Variants in ZNF385D observed in about 807,000 individuals in gnomAD.
ZNF385D encodes the protein zinc finger protein 385D.
ZNF385D carries 15 observed loss-of-function variants against 35.8 expected under a neutral mutation model. The observed-to-expected ratio is 0.42, with a 90% confidence interval of 0.28 to 0.64. ZNF385D has a LOEUF of 0.64. Ranked by LOEUF, ZNF385D falls within the 30% of genes least tolerant of loss-of-function variation. ZNF385D has a pLI of 0.23. For synonymous variants in ZNF385D, 212 were observed against 186.8 expected, an observed-to-expected ratio of 1.13 and a Z score of -1.10; for missense variants, 474 against 494.6, an observed-to-expected ratio of 0.96 and a Z score of 0.39.
intron 2 of ZNF385D, among the ~76,000 whole-genome samples, chr3:22,199,375 C>A (rs528660335): frequency 6.6e-6 from 1 of 152,172 alleles, no homozygotes; most frequent in African/African-American, 2.4e-5. Flanking sequence ...GCGTCATTAA[C>A]AACACTGATT....
chr3:21,426,688 C>A (rs868859011), intron 5 of ZNF385D, among the ~76,000 whole-genome samples: 2 of 152,020 alleles, frequency 1.3e-5, no homozygotes, highest in African/African-American at 4.8e-5. Flanking sequence ...ATTGTACGTT[C>A]GGCAACCATT....
intron 3 of ZNF385D, among the ~76,000 whole-genome samples, chr3:21,806,184 CTTTCTT>C (rs987794301): frequency 2.0e-5 from 3 of 151,156 alleles, no homozygotes; most frequent in African/African-American, 7.3e-5. Context: ...TCCTTCTTTC[CTTTCTT>C]TTTTTTTTTA....
At position 21,564,627 on chromosome 3, in the gene ZNF385D, G is replaced by T. The variant is rs185552275; in HGVS notation, c.223C>A (p.Arg75=). The T allele has an allele frequency of 6.4e-7, 1 of 1,571,956 alleles. No individual in the cohort carries two copies. The highest frequency in any genetic ancestry group is 8.6e-7 in the Non-Finnish European group (1 of 1,158,176). ...NHTFGVPLPH[R]RKQIISCNIC... Reference sequence around the variant, plus strand: ...TTGCATGATATGATTTGCTTTCTTCGGTGGGGAAGAGGAACCCCGAATGTA... The same window carrying T: ...TTGCATGATATGATTTGCTTTCTTCTGTGGGGAAGAGGAACCCCGAATGTA... Residue 75 remains arginine, a synonymous_variant, in exon 3 of 8, where the codon CGA becomes AGA. Coordinates refer to ENST00000281523, the MANE Select transcript of ZNF385D (RefSeq NM_024697.3).
At position 22,350,578 on chromosome 3, in the gene ZNF385D, A is replaced by C. The variant is rs560272442; in HGVS notation, c.106+21872T>G. 3.3e-5 allele frequency among the ~76,000 whole-genome samples: 5 copies of C among 152,218 alleles called. No individual in the cohort carries two copies. In the South Asian group the frequency reaches 8.3e-4, roughly 25 times the overall value. ...AATTCAATTAATATTTGTTGAAGAC[A>C]CCTTATGTACAAAATATCACCTAGC... On this transcript the variant is annotated intron_variant, in intron 2 of 5. Coordinates refer to the ZNF385D transcript ENST00000494108.
intron 3 of ZNF385D, among the ~76,000 whole-genome samples, chr3:22,098,182 C>T (rs1005376130): frequency 3.3e-5 from 5 of 151,988 alleles, no homozygotes; most frequent in South Asian, 2.1e-4. Context: ...TAATCTATTA[C>T]GACCAATAAA....
At chr3:22,256,929 G>A (rs1246362250) in intron 2 of ZNF385D, among the ~76,000 whole-genome samples, 1 of 151,798 alleles carries the variant, frequency 6.6e-6, no homozygotes, top group Non-Finnish European at 1.5e-5. Context: ...AGTTCATAAA[G>A]ATAGAAAATT....
intron 4 of ZNF385D, among the ~76,000 whole-genome samples, chr3:21,483,514 C>A (rs115719743): frequency 0.012 from 1,787 of 152,212 alleles, 16 homozygotes; most frequent in Non-Finnish European, 0.02. Flanking sequence ...CAAGAAAATG[C>A]CAAATTCTTT....
At position 21,798,237 on chromosome 3, in the gene ZNF385D, T is replaced by A. The variant is rs778977629; in HGVS notation, c.326-133209A>T. Among the ~76,000 whole-genome samples the A allele has an allele frequency of 2.0e-5, 3 of 152,202 alleles. No individual in the cohort carries two copies. In the East Asian group the frequency reaches 5.8e-4, roughly 29 times the overall value. On this transcript the variant is annotated intron_variant, in intron 3 of 5. Transcript: ENST00000494108. ...AATAAAAATACACACAACTCTCTCATGACACAGGTTGTCTGGTTCTTCGGC... is the reference window on the plus strand; with the variant it reads ...AATAAAAATACACACAACTCTCTCAAGACACAGGTTGTCTGGTTCTTCGGC...
intron 3 of ZNF385D, among the ~76,000 whole-genome samples, chr3:21,909,432 G>A (rs1258714191): frequency 6.6e-6 from 1 of 152,074 alleles, no homozygotes; most frequent in Non-Finnish European, 1.5e-5. Context: ...AATAACATCA[G>A]AGAAGCCTGT....
Position 21,783,671 on chromosome 3 carries a change from T to C in ZNF385D, c.326-118643A>G, listed in dbSNP as rs181750682. 3.2e-3 allele frequency among the ~76,000 whole-genome samples: 492 copies of C among 152,178 alleles called. 6 individuals are homozygous for C. The highest frequency in any genetic ancestry group is 0.011 in the African/African-American group (459 of 41,514). ...CCTTGTTCCCACCATGTCTGGCTCC[T>C]TACCTGACTTCTCTGCATGCACGAA... On this transcript the variant is annotated intron_variant, in intron 3 of 5. Transcript: ENST00000494108.
At chr3:22,165,987 T>A (rs973090129) in intron 3 of ZNF385D, among the ~76,000 whole-genome samples, 1 of 151,986 alleles carries the variant, frequency 6.6e-6, no homozygotes, top group Non-Finnish European at 1.5e-5. Flanking sequence ...TCATACCCTC[T>A]CAGATAATGT....
intron 2 of ZNF385D, among the ~76,000 whole-genome samples, chr3:22,205,982 G>T (rs772496999): frequency 6.6e-6 from 1 of 151,854 alleles, no homozygotes; most frequent in South Asian, 2.1e-4. Flanking sequence ...TATTCAAAAA[G>T]ACCCAACTCA....
chr3:21,728,726 G>T (rs968233122), intron 1 of ZNF385D, among the ~76,000 whole-genome samples: 1 of 152,180 alleles, frequency 6.6e-6, no homozygotes, highest in African/African-American at 2.4e-5. Context: ...GGGCAGAGGA[G>T]ATTCAAGTCG....
intron 3 of ZNF385D, among the ~76,000 whole-genome samples, chr3:22,114,103 T>C (rs1702685243): frequency 6.6e-6 from 1 of 152,226 alleles, no homozygotes; most frequent in African/African-American, 2.4e-5. Flanking sequence ...CTACGACCAT[T>C]TAAAATGAAA....
chr3:22,270,532 C>T (rs1701119093), intron 2 of ZNF385D, among the ~76,000 whole-genome samples: 2 of 151,984 alleles, frequency 1.3e-5, no homozygotes, highest in East Asian at 1.9e-4. Flanking sequence ...AACTATTCCT[C>T]ATTTTAAATT....
At chr3:22,081,586 G>A (rs1241235000) in intron 3 of ZNF385D, among the ~76,000 whole-genome samples, 1 of 152,164 alleles carries the variant, frequency 6.6e-6, no homozygotes, top group Non-Finnish European at 1.5e-5. Flanking sequence ...ATAGACTGGT[G>A]TTTTAGATGA....
chr3:21,492,803 A>ATAAT (rs1705535416), intron 4 of ZNF385D, among the ~76,000 whole-genome samples: 1 of 151,230 alleles, frequency 6.6e-6, no homozygotes. Context: ...AAATAAATAA[A>ATAAT]TAAATAAATA....
At chr3:21,543,248 G>A (rs1012794121) in intron 3 of ZNF385D, among the ~76,000 whole-genome samples, 13 of 152,278 alleles carry the variant, frequency 8.5e-5, no homozygotes, top group African/African-American at 2.6e-4. Flanking sequence ...CTGGGAGGCG[G>A]AGGTTTTAGT....
chr3:21,721,809 G>A lies in ZNF385D; in HGVS notation c.22+29086C>T, dbSNP rs143419609. 4.5e-4 allele frequency among the ~76,000 whole-genome samples: 68 copies of A among 152,236 alleles called. No individual in the cohort carries two copies. In the Middle Eastern group the frequency reaches 0.02, roughly 46 times the overall value. On this transcript the variant is annotated intron_variant, in intron 1 of 7. Coordinates refer to ENST00000281523, the MANE Select transcript of ZNF385D (RefSeq NM_024697.3). ...CTGTAACAGTATCCTATCTTAAAGAGATATTTGTGGCCAGGCGCGGTGGCT... is the reference window on the plus strand; with the variant it reads ...CTGTAACAGTATCCTATCTTAAAGAAATATTTGTGGCCAGGCGCGGTGGCT...
Sources: allele counts gnomAD v4.1 joint callset (sites outside exome capture counted in the v4.1 genomes callset), GRCh38; gene constraint gnomAD v4.1.1; transcripts MANE v1.5; gene names NCBI Gene and HGNC (gene_info 2026-07-23, HGNC 2026-07-21).